PTPRD: variants seen among roughly 807,000 people sequenced by gnomAD.
PTPRD encodes the protein protein tyrosine phosphatase receptor type D.
In PTPRD, 34 loss-of-function variants were observed where a neutral mutation model predicts 214.5. The observed-to-expected ratio is 0.16, with a 90% CI of 0.12 to 0.21. The LOEUF (loss-of-function observed/expected upper bound fraction) is 0.21, where lower values mean the gene tolerates loss of function less well. Among genes scored for constraint, PTPRD ranks in the 10% least tolerant of loss-of-function variants. The pLI is 1.00. For missense variants in PTPRD, 2,545 were observed against 2,398.7 expected (o/e 1.06, Z -1.27); for synonymous variants, 1,128 against 845.7 (o/e 1.33, Z -5.79).
At position 10,612,948 on chromosome 9, in the gene PTPRD, C is replaced by T. The variant is rs2081371298; in HGVS notation, c.-968G>A. On this transcript the variant is annotated 5_prime_UTR_variant, in exon 1 of 46. Coordinates refer to ENST00000381196, the MANE Select transcript of PTPRD (RefSeq NM_002839.4). ...GCTGGGCGGGGAGCCGAGGCGGCCG[C>T]TCCCGCACTCGCTCGCTCGCTCGCT... 6.6e-6 allele frequency among the ~76,000 whole-genome samples: 1 copy of T among 151,404 alleles called. No homozygotes were observed. The highest frequency in any genetic ancestry group is 2.4e-5 in the African/African-American group (1 of 41,336).
At chr9:8,849,171 A>ATTT (rs746565485) in intron 11 of PTPRD, among the ~76,000 whole-genome samples, 3,322 of 108,596 alleles carry the variant, frequency 0.031, 164 homozygotes, top group South Asian at 0.11. Flanking sequence ...TCAAAAAAAA[A>ATTT]TTTTTTTTTT....
chr9:8,925,781 G>A (rs1021173824), intron 11 of PTPRD, among the ~76,000 whole-genome samples: 3 of 150,254 alleles, frequency 2.0e-5, no homozygotes, highest in Non-Finnish European at 2.9e-5. Context: ...GACACTCACT[G>A]TTAGAGAACT....
At chr9:9,531,127 C>T (rs1276698377) in intron 8 of PTPRD, among the ~76,000 whole-genome samples, 2 of 152,118 alleles carry the variant, frequency 1.3e-5, no homozygotes, top group African/African-American at 4.8e-5. Flanking sequence ...TATGCTGCAA[C>T]AAATCCTCAT....
chr9:9,996,951 C>G (rs1588475851), intron 4 of PTPRD, among the ~76,000 whole-genome samples: 1 of 152,138 alleles, frequency 6.6e-6, no homozygotes, highest in African/African-American at 2.4e-5. Flanking sequence ...TTTAACAAAC[C>G]AGGAAGTATG....
intron 5 of PTPRD, among the ~76,000 whole-genome samples, chr9:9,809,447 T>G (rs1401484156): frequency 6.6e-6 from 1 of 151,990 alleles, no homozygotes; most frequent in Non-Finnish European, 1.5e-5. Context: ...TTTTGTATTT[T>G]TAGTAGAGAC....
chr9:10,440,515 AG>A lies in PTPRD; in HGVS notation c.-599-99499del, dbSNP rs1170750642. On this transcript the variant is annotated intron_variant, in intron 2 of 45. Coordinates refer to ENST00000381196, the MANE Select transcript of PTPRD (RefSeq NM_002839.4). ...AGATTTGAGTGGAGATAAATGGATA[AG>A]AAAAAGGAGAAAGAACTGGTGATGA... Among the ~76,000 whole-genome samples, 7 of 151,770 alleles carry A rather than the reference AG, an allele frequency of 4.6e-5. No individual in the cohort carries two copies. The Admixed American group carries it at 4.6e-4, about 10-fold the overall frequency.
intron 9 of PTPRD, among the ~76,000 whole-genome samples, chr9:9,277,563 A>G (rs566825938): frequency 1.3e-5 from 2 of 151,464 alleles, no homozygotes; most frequent in East Asian, 3.9e-4. Flanking sequence ...CCCAAATATT[A>G]AACAATTTTG....
intron 5 of PTPRD, among the ~76,000 whole-genome samples, chr9:9,862,438 T>A (rs1443300467): frequency 2.0e-5 from 3 of 152,204 alleles, no homozygotes. Flanking sequence ...CTTCAAGATA[T>A]GAAGTGAAAA....
chr9:8,768,124 A>G (rs2094905115), intron 11 of PTPRD, among the ~76,000 whole-genome samples: 1 of 152,222 alleles, frequency 6.6e-6, no homozygotes, highest in Non-Finnish European at 1.5e-5. Context: ...TGTGGGCGTG[A>G]TAGCTCACAT....
rs190353864 is a variant in PTPRD at position 9,635,415 on chromosome 9, G to T, written c.-286-60634C>A. On this transcript the variant is annotated intron_variant, in intron 7 of 45. Transcript: ENST00000381196. ...AGTGGCTCCCGAACTTTATTGTAAG[G>T]TCTAGTGCTTCCTATAGAAACAGCT... Among the ~76,000 whole-genome samples the T allele has an allele frequency of 9.1e-4, 138 of 152,256 alleles. 1 individual carries two copies. In the East Asian group the frequency reaches 0.015, roughly 17 times the overall value.
intron 3 of PTPRD, among the ~76,000 whole-genome samples, chr9:10,318,212 A>G (rs1453294002): frequency 1.3e-5 from 2 of 152,034 alleles, no homozygotes; most frequent in African/African-American, 4.8e-5. Context: ...GCCTTTGGTT[A>G]AGTCAACCCC....
chr9:10,393,593 C>T (rs1007384982), intron 2 of PTPRD, among the ~76,000 whole-genome samples: 3 of 149,596 alleles, frequency 2.0e-5, no homozygotes. Context: ...GAGTTCAAGG[C>T]TAGTCTGGGC....
At chr9:9,841,004 G>T (rs766431929) in intron 5 of PTPRD, among the ~76,000 whole-genome samples, 13 of 152,024 alleles carry the variant, frequency 8.6e-5, no homozygotes, top group Non-Finnish European at 1.2e-4. Context: ...CAAACACCAT[G>T]CTTTAGCAGG....
At chr9:9,383,300 T>C (rs1479319465) in intron 9 of PTPRD, among the ~76,000 whole-genome samples, 1 of 152,120 alleles carries the variant, frequency 6.6e-6, no homozygotes, top group Non-Finnish European at 1.5e-5. Context: ...GCTTTAAACA[T>C]ATTAAACATT....
chr9:10,443,205 C>T (rs1047106652), intron 2 of PTPRD, among the ~76,000 whole-genome samples: 1 of 151,330 alleles, frequency 6.6e-6, no homozygotes, highest in African/African-American at 2.4e-5. Flanking sequence ...CACATTGAGA[C>T]TATATATTCT....
rs572427175 is a variant in PTPRD at position 9,740,732 on chromosome 9, G to GT, written c.-325-6162dup. On this transcript the variant is annotated intron_variant, in intron 6 of 45. Coordinates refer to ENST00000381196, the MANE Select transcript of PTPRD (RefSeq NM_002839.4). ...ATAGAACCATACCAGTATTTTCATT[G>GT]TTTTTTCTCAATACAATAACAAATA... 9.4e-4 allele frequency among the ~76,000 whole-genome samples: 143 copies of GT among 152,098 alleles called. 7 individuals are homozygous for GT. In the South Asian group the frequency reaches 0.029, roughly 31 times the overall value.
intron 30 of PTPRD, among the ~76,000 whole-genome samples, chr9:8,482,333 T>A (rs1161330710): frequency 6.6e-6 from 1 of 152,134 alleles, no homozygotes; most frequent in Non-Finnish European, 1.5e-5. Context: ...TACCTCTGCA[T>A]CCTACTTCCA....
intron 14 of PTPRD, among the ~76,000 whole-genome samples, chr9:8,580,177 A>G (rs1446892671): frequency 2.0e-5 from 3 of 152,258 alleles, no homozygotes; most frequent in Non-Finnish European, 2.9e-5. Flanking sequence ...GTAGCAGTAG[A>G]CATGTGAAAA....
intron 37 of PTPRD, among the ~76,000 whole-genome samples, chr9:8,378,966 AT>A: frequency 6.6e-6 from 1 of 152,232 alleles, no homozygotes; most frequent in South Asian, 2.1e-4. Flanking sequence ...AACTGCAACT[AT>A]TATTGGCTTA....
Sources: allele counts gnomAD v4.1 joint callset (sites outside exome capture counted in the v4.1 genomes callset), GRCh38; gene constraint gnomAD v4.1.1; transcripts MANE v1.5; gene names NCBI Gene and HGNC (gene_info 2026-07-23, HGNC 2026-07-21).